The following ZNF330 variants were observed in gnomAD, a reference collection of about 807,000 sequenced individuals.
ZNF330 encodes the protein nucleolar atypical zinc finger, also known as zinc finger protein 330.
Under a neutral mutation model 45.5 loss-of-function variants are expected in ZNF330, and 31 were observed. The ratio of observed to expected loss-of-function variants is 0.68; its 90% CI spans 0.51 to 0.92. ZNF330 has a LOEUF of 0.92. Ranked by LOEUF, ZNF330 falls within the 40% of genes least tolerant of loss-of-function variation. The pLI is 0.00. For missense variants in ZNF330, 356 were observed against 387.4 expected, an observed-to-expected ratio of 0.92 and a Z score of 0.68; for synonymous variants, 138 against 123.2, an observed-to-expected ratio of 1.12 and a Z score of -0.79.
chr4:141,231,914 C>T (rs911196351), intron 8 of ZNF330, among the ~76,000 whole-genome samples: 4 of 152,112 alleles, frequency 2.6e-5, no homozygotes, highest in African/African-American at 4.8e-5. Flanking sequence ...CTCTCAGAAG[C>T]GTTTCTCTAG....
chr4:141,230,221 A>G lies in ZNF330; in HGVS notation c.474A>G (p.Gln158=), dbSNP rs1728915993. 3 of 1,611,884 alleles carry G rather than the reference A, an allele frequency of 1.9e-6. No homozygotes were observed. Among genetic ancestry groups the G allele is most frequent in the African/African-American group, 1.3e-5 (1 of 74,840 alleles). Residue 158 remains glutamine, a synonymous_variant, in exon 7 of 10, where the codon CAA becomes CAG. Transcript: ENST00000262990. ...FCHNFLCEDD[Q]FEHQASCQVL... ...ATAACTTTCTCTGTGAAGATGATCA[A>G]TTTGAGCATCAAGCCAGCTGCCAGG...
intron 2 of ZNF330, 194 bp downstream of exon 2, chr4:141,222,685 C>T: frequency 2.1e-6 from 1 of 481,056 alleles, no homozygotes; most frequent in Non-Finnish European, 3.7e-6. Context: ...ATTATAAAAC[C>T]TAGCATATTA....
Position 141,234,037 on chromosome 4 carries a change from T to C in ZNF330, c.*48T>C. Reference sequence around the variant, plus strand: ...TGTGAGAGGAGCAGGAGTGAGTGTGTGTGCTTGATGAATTGTGTGTGGTTG... The same window carrying C: ...TGTGAGAGGAGCAGGAGTGAGTGTGCGTGCTTGATGAATTGTGTGTGGTTG... On this transcript the variant is annotated 3_prime_UTR_variant, in exon 10 of 10. Coordinates refer to ENST00000262990, the MANE Select transcript of ZNF330 (RefSeq NM_014487.6). 6.4e-7 allele frequency: 1 copy of C among 1,559,974 alleles called. No individual in the cohort carries two copies. The highest frequency in any genetic ancestry group is 8.6e-7 in the Non-Finnish European group (1 of 1,156,108).
chr4:141,221,509 C>T (rs1390656997), intron 1 of ZNF330, among the ~76,000 whole-genome samples: 2 of 152,080 alleles, frequency 1.3e-5, no homozygotes, highest in African/African-American at 4.8e-5. Flanking sequence ...GGCAGCACGC[C>T]CTCTAGATTT....
At chr4:141,228,517 A>G (rs753118306) in intron 5 of ZNF330, among the ~76,000 whole-genome samples, 49 of 151,972 alleles carry the variant, frequency 3.2e-4, no homozygotes, top group Non-Finnish European at 5.9e-4. Flanking sequence ...TTCTCCCTAT[A>G]TGGCCAGGTA....
At chr4:141,229,357 G>T (rs1337275289) in intron 5 of ZNF330, among the ~76,000 whole-genome samples, 1 of 151,424 alleles carries the variant, frequency 6.6e-6, no homozygotes, top group Non-Finnish European at 1.5e-5. Flanking sequence ...ACTGAGTTTT[G>T]TATATTGTGG....
intron 7 of ZNF330, among the ~76,000 whole-genome samples, chr4:141,230,989 G>A (rs146001751): frequency 2.6e-5 from 4 of 152,084 alleles, no homozygotes; most frequent in African/African-American, 4.8e-5. Flanking sequence ...GAAAAAGACC[G>A]AAATTCCCCA....
intron 4 of ZNF330, among the ~76,000 whole-genome samples, 199 bp from the exon 5 acceptor site, chr4:141,226,568 T>G (rs186037182): frequency 6.6e-6 from 1 of 152,288 alleles, no homozygotes; most frequent in East Asian, 1.9e-4. Context: ...ATGTATAATC[T>G]GAAAAGTCTG....
At chr4:141,232,696 G>GT in intron 9 of ZNF330, 54 bp downstream of exon 9, 1 of 926,154 alleles carries the variant, frequency 1.1e-6, no homozygotes, top group Non-Finnish European at 1.5e-6. Flanking sequence ...CTTAGACAAA[G>GT]TTTATCTTTT....
At chr4:141,233,335 T>C (rs1729003638) in intron 9 of ZNF330, among the ~76,000 whole-genome samples, 1 of 152,146 alleles carries the variant, frequency 6.6e-6, no homozygotes, top group Non-Finnish European at 1.5e-5. Flanking sequence ...ACAGGCTTTG[T>C]TTTTAAGGGC....
intron 4 of ZNF330, 100 bp from the exon 5 acceptor site, chr4:141,226,667 T>C: frequency 1.2e-6 from 1 of 827,358 alleles, no homozygotes; most frequent in Non-Finnish European, 2.0e-6. Flanking sequence ...AGTTTTTAAA[T>C]TATTTCCTCA....
At chr4:141,229,449 C>G (rs537519327) in intron 5 of ZNF330, 122 bp from the exon 6 acceptor site, 2 of 1,265,302 alleles carry the variant, frequency 1.6e-6, no homozygotes, top group African/African-American at 1.5e-5. Flanking sequence ...AATGAAGCGG[C>G]CTACTATCAT....
chr4:141,224,348 G>T, intron 2 of ZNF330, 139 bp from the exon 3 acceptor site: 1 of 732,186 alleles, frequency 1.4e-6, no homozygotes, highest in Non-Finnish European at 2.4e-6. Context: ...GTAGGTGCTT[G>T]TATACATGGG....
intron 2 of ZNF330, chr4:141,222,712 TGATAAAGGTA>T (rs1431761183): frequency 5.8e-6 from 2 of 345,686 alleles, no homozygotes; most frequent in African/African-American, 4.2e-5. Context: ...ATACTGTTGG[TGATAAAGGTA>T]GATATTGGAC....
At chr4:141,230,078 T>TA in intron 6 of ZNF330, 88 bp from the exon 7 acceptor site, 2 of 926,252 alleles carry the variant, frequency 2.2e-6, no homozygotes, top group East Asian at 2.5e-5. Flanking sequence ...CAAAGTAACT[T>TA]ACCATCTCTT....
chr4:141,229,782 T>C, intron 6 of ZNF330, 85 bp downstream of exon 6: 1 of 1,528,414 alleles, frequency 6.5e-7, no homozygotes, highest in Non-Finnish European at 8.9e-7. Context: ...TGAGATTTTT[T>C]TCAGGATACT....
intron 9 of ZNF330, among the ~76,000 whole-genome samples, chr4:141,233,109 T>A (rs776889818): frequency 6.6e-6 from 1 of 152,112 alleles, no homozygotes; most frequent in African/African-American, 2.4e-5. Context: ...TTATGTAACT[T>A]TTTTTGTGAA....
rs373479241 is a variant in ZNF330, at chr4:141,230,236, C to T, written c.489C>T (p.Ala163=). The T allele has an allele frequency of 1.2e-6, 2 of 1,610,864 alleles. No homozygotes were observed. Among genetic ancestry groups the T allele is most frequent in the African/African-American group, 2.7e-5 (2 of 74,760 alleles). ...LCEDDQFEHQ[A]SCQVLEAETF... ...AAGATGATCAATTTGAGCATCAAGC[C>T]AGCTGCCAGGTTTTAGAGGCAGAAA... is the stretch of plus-strand genomic sequence containing the variant. Residue 163 remains alanine (A), a synonymous_variant, in exon 7 of 10, where the codon GCC becomes GCT. Transcript: ENST00000262990.
intron 4 of ZNF330, among the ~76,000 whole-genome samples, chr4:141,225,444 C>A (rs563414017): frequency 6.6e-6 from 1 of 151,884 alleles, no homozygotes. Context: ...GTTCTGAAGA[C>A]TTGCAACAAA....
Sources: allele counts gnomAD v4.1 joint callset (sites outside exome capture counted in the v4.1 genomes callset), GRCh38; gene constraint gnomAD v4.1.1; transcripts MANE v1.5; gene names NCBI Gene and HGNC (gene_info 2026-07-23, HGNC 2026-07-21).